Variants in CEP83 observed in about 807,000 individuals in gnomAD.
The protein encoded by CEP83 is centrosomal protein 83.
In CEP83, 70 loss-of-function variants were observed where a neutral mutation model predicts 101.9. The ratio of observed to expected loss-of-function variants is 0.69; its 90% CI spans 0.57 to 0.84. The LOEUF (loss-of-function observed/expected upper bound fraction) is 0.84, where lower values mean the gene tolerates loss of function less well. Among genes scored for constraint, CEP83 ranks in the 40% least tolerant of loss-of-function variants. The probability of loss-of-function intolerance (pLI) is 0.00; values close to 1 mark genes in which losing one functional copy is unlikely to be tolerated. For synonymous variants in CEP83, 264 were observed against 267.9 expected, an observed-to-expected ratio of 0.99 and a Z score of 0.14; for missense variants, 715 against 787.2, an observed-to-expected ratio of 0.91 and a Z score of 1.10.
chr12:94,297,079 C>CAAGT, the CEP83 span: 1 of 1,029,566 alleles, frequency 9.7e-7, no homozygotes, highest in South Asian at 1.4e-5. Flanking sequence ...TCAAAAAGCT[C>CAAGT]AAGTAACTTC....
chr12:94,317,916 G>A (rs947995980), intron 14 of CEP83, among the ~76,000 whole-genome samples: 3 of 151,962 alleles, frequency 2.0e-5, no homozygotes, highest in African/African-American at 7.2e-5. Flanking sequence ...ACTCTTTTTT[G>A]GTTCCACATG....
intron 6 of CEP83, among the ~76,000 whole-genome samples, chr12:94,388,503 C>T (rs1037788124): frequency 5.3e-5 from 8 of 151,928 alleles, no homozygotes; most frequent in African/African-American, 9.7e-5. Flanking sequence ...ATCTAGGTGA[C>T]GGAATCTTTA....
intron 2 of CEP83, among the ~76,000 whole-genome samples, chr12:94,420,865 G>C (rs1593910598): frequency 6.6e-6 from 1 of 151,966 alleles, no homozygotes. Flanking sequence ...TACATGCTTA[G>C]GTATAAGCAT....
At chr12:94,377,827 T>C (rs542274720) in intron 7 of CEP83, among the ~76,000 whole-genome samples, 1 of 152,308 alleles carries the variant, frequency 6.6e-6, no homozygotes, top group African/African-American at 2.4e-5. Context: ...GATGGAAGGA[T>C]GGCAACATAA....
chr12:94,298,847 T>A, the CEP83 span: 1 of 1,512,808 alleles, frequency 6.6e-7, no homozygotes, highest in Non-Finnish European at 9.0e-7. Context: ...GACAGAATAT[T>A]AACTAAAAGA....
At chr12:94,428,239 T>C (rs1423725989) in intron 2 of CEP83, among the ~76,000 whole-genome samples, 2 of 152,220 alleles carry the variant, frequency 1.3e-5, no homozygotes, top group Non-Finnish European at 2.9e-5. Flanking sequence ...AAGGCAAAGA[T>C]GATTCTTGTC....
At chr12:94,298,202 C>T in the CEP83 span, among the ~76,000 whole-genome samples, 1 of 152,204 alleles carries the variant, frequency 6.6e-6, no homozygotes, top group African/African-American at 2.4e-5. Context: ...TTGGAAAGTA[C>T]ACAATAAAAC....
rs1555235995 is a variant in CEP83 at position 94,376,690 on chromosome 12, T to TATACACACACACACACAC, written c.802-674_802-673insGTGTGTGTGTGTGTGTAT. ...ATTCAACATAATATATATACATATA[T>TATACACACACACACACAC]ACACACACACACACACACACACACA... On this transcript the variant is annotated intron_variant, in intron 7 of 16. Transcript: ENST00000397809. Among the ~76,000 whole-genome samples the TATACACACACACACACAC allele has an allele frequency of 2.5e-4, 29 of 117,378 alleles. No homozygotes were observed. In the East Asian group the frequency reaches 2.7e-3, roughly 11 times the overall value. 77.0% of individuals were successfully genotyped at this position (117,378 alleles called of 152,430 possible).
At chr12:94,389,599 G>A (rs1426897865) in intron 6 of CEP83, among the ~76,000 whole-genome samples, 2 of 152,190 alleles carry the variant, frequency 1.3e-5, no homozygotes, top group Non-Finnish European at 2.9e-5. Context: ...GAGGTACCTG[G>A]TTCATCTCAC....
intron 1 of CEP83, among the ~76,000 whole-genome samples, chr12:94,436,356 G>C (rs1248538369): frequency 6.6e-6 from 1 of 151,550 alleles, no homozygotes; most frequent in Non-Finnish European, 1.5e-5. Flanking sequence ...GGATATGGAT[G>C]AAAAAGTCTC....
intron 11 of CEP83, among the ~76,000 whole-genome samples, chr12:94,347,145 TAAG>T (rs1174349339): frequency 6.7e-6 from 1 of 149,874 alleles, no homozygotes; most frequent in East Asian, 2.0e-4. Flanking sequence ...AAGTCATAGA[TAAG>T]GAGAAAATAT....
intron 14 of CEP83, among the ~76,000 whole-genome samples, chr12:94,329,508 GT>G (rs1375076805): frequency 6.6e-6 from 1 of 152,092 alleles, no homozygotes; most frequent in Admixed American, 6.6e-5. Flanking sequence ...ACTCCTTCTG[GT>G]ATACTTATGA....
intron 2 of CEP83, among the ~76,000 whole-genome samples, chr12:94,432,213 C>T (rs1329957931): frequency 6.6e-6 from 1 of 151,888 alleles, no homozygotes; most frequent in African/African-American, 2.4e-5. Flanking sequence ...CACCACCACG[C>T]CCAGCTAATT....
the CEP83 span, among the ~76,000 whole-genome samples, chr12:94,267,777 C>T: frequency 4.2e-3 from 640 of 152,262 alleles, 3 homozygotes; most frequent in African/African-American, 0.015. Context: ...TTTTTCATTT[C>T]CTTTCAGGCA....
At chr12:94,285,550 C>T in the CEP83 span, among the ~76,000 whole-genome samples, 1 of 152,160 alleles carries the variant, frequency 6.6e-6, no homozygotes, top group Non-Finnish European at 1.5e-5. Flanking sequence ...CAAGAGCAGT[C>T]GTTCTTAGCT....
rs59530448 is a variant in CEP83 at position 94,449,959 on chromosome 12, C to T, written c.-155+9598G>A. ...AAAACATGACAAAATCTAACACCCACTCATGATTAAAAACTTGCAACAAAC... is the reference window on the plus strand; with the variant it reads ...AAAACATGACAAAATCTAACACCCATTCATGATTAAAAACTTGCAACAAAC... On this transcript the variant is annotated intron_variant, in intron 1 of 16. Transcript: ENST00000397809. 6.5e-3 allele frequency among the ~76,000 whole-genome samples: 996 copies of T among 152,172 alleles called. 6 individuals carry two copies. The highest frequency in any genetic ancestry group is 0.022 in the African/African-American group (922 of 41,516).
chr12:94,364,237 A>G (rs2060914019), intron 11 of CEP83, among the ~76,000 whole-genome samples: 1 of 152,224 alleles, frequency 6.6e-6, no homozygotes. Flanking sequence ...GTACACTTAA[A>G]AATAGTTAAG....
At chr12:94,384,646 CAGT>C (rs753139426) in intron 6 of CEP83, among the ~76,000 whole-genome samples, 1 of 152,118 alleles carries the variant, frequency 6.6e-6, no homozygotes, top group Non-Finnish European at 1.5e-5. Context: ...CCTTTAAGCT[CAGT>C]AGTTTTTTCC....
the CEP83 span, among the ~76,000 whole-genome samples, chr12:94,280,352 G>A: frequency 7.9e-5 from 12 of 152,194 alleles, no homozygotes; most frequent in Admixed American, 7.2e-4. Flanking sequence ...ATGAAGAATA[G>A]AATCATGGTG....
Sources: gnomAD v4.1 joint callset for allele counts (sites outside exome capture counted in the v4.1 genomes callset) on GRCh38, gnomAD v4.1.1 for gene constraint, MANE v1.5 for transcripts, NCBI Gene and HGNC (gene_info 2026-07-23, HGNC 2026-07-21) for gene names.